VPS13A: variants seen among roughly 807,000 people sequenced by gnomAD.
The protein encoded by VPS13A is vacuolar protein sorting 13 homolog A.
In VPS13A, 264 loss-of-function variants were observed where a neutral mutation model predicts 390.9. The observed-to-expected ratio is 0.68, with a 90% confidence interval of 0.61 to 0.75. The LOEUF (loss-of-function observed/expected upper bound fraction) is 0.75, where lower values mean the gene tolerates loss of function less well. Ranked by LOEUF, VPS13A falls within the 30% of genes least tolerant of loss-of-function variation. The pLI is 0.00. For missense variants in VPS13A, 3,409 were observed against 3,733.9 expected (o/e 0.91, Z 2.27); for synonymous variants, 1,231 against 1,227.1 (o/e 1.00, Z -0.07).
intron 67 of VPS13A, among the ~76,000 whole-genome samples, chr9:77,379,667 C>T (rs1833323941): frequency 6.6e-6 from 1 of 152,218 alleles, no homozygotes; most frequent in Non-Finnish European, 1.5e-5. Flanking sequence ...AGCCACCACG[C>T]CTGGCCTATT....
In VPS13A at chr9:77,368,096, C is replaced by T. The variant is rs779553514; in HGVS notation, c.8513C>T (p.Ser2838Phe). The change falls in exon 62 of 72, where the codon TCC (serine) becomes TTC (phenylalanine). Residue 2838 changes from serine to phenylalanine, a missense_variant. Coordinates refer to ENST00000360280, the MANE Select transcript of VPS13A (RefSeq NM_033305.3). ...FELNYQFHTTSDLQSEVIRHY... is the reference protein window; with the variant it reads ...FELNYQFHTTFDLQSEVIRHY... The stretch of plus-strand genomic sequence containing the variant: ...CTCAACTATCAGTTCCATACAACAT[C>T]CGATCTACAGTCTGAAGTCATAAGA... 1 of 1,612,502 alleles carries T rather than the reference C, an allele frequency of 6.2e-7. No individual in the cohort carries two copies. Among genetic ancestry groups the T allele is most frequent in the Non-Finnish European group, 8.5e-7 (1 of 1,179,508 alleles).
chr9:77,359,933 G>A (rs1832049029), intron 58 of VPS13A, among the ~76,000 whole-genome samples: 1 of 151,804 alleles, frequency 6.6e-6, no homozygotes, highest in Admixed American at 6.6e-5. Flanking sequence ...TTTGTTTGGG[G>A]TTGTCTATAA....
chr9:77,275,825 T>C (rs1282890086), intron 25 of VPS13A, among the ~76,000 whole-genome samples, 173 bp downstream of exon 25: 1 of 150,630 alleles, frequency 6.6e-6, no homozygotes, highest in African/African-American at 2.4e-5. Flanking sequence ...TTTTTTTAAA[T>C]AAGATTAACT....
Position 77,360,636 on chromosome 9 carries a change from A to G in VPS13A, c.8206A>G (p.Thr2736Ala), listed in dbSNP as rs1407100365. 1 of 1,607,090 alleles carries G rather than the reference A, an allele frequency of 6.2e-7. No homozygotes were observed. Among genetic ancestry groups the G allele is most frequent in the Non-Finnish European group, 8.5e-7 (1 of 1,174,004 alleles). Residue 2736 changes from threonine to alanine, a missense_variant, in exon 59 of 72, where the codon ACA becomes GCA. Thr to Ala is a moderately conservative substitution (Grantham distance 58). This residue lies in a region of VPS13A where 221 missense variants were observed against 300.7 expected (regional missense o/e 0.73). Transcript: ENST00000360280. ...LMTEAEVTENTEVELFHKDIE... is the reference protein window; with the variant it reads ...LMTEAEVTENAEVELFHKDIE... ...GACAGAAGCTGAGGTGACTGAAAATACAGAGGTAAGACTTAAAATAATAAC... is the reference window on the plus strand; with the variant it reads ...GACAGAAGCTGAGGTGACTGAAAATGCAGAGGTAAGACTTAAAATAATAAC...
chr9:77,371,796 A>C, intron 67 of VPS13A, among the ~76,000 whole-genome samples: 2 of 122,986 alleles, frequency 1.6e-5, no homozygotes, highest in African/African-American at 6.1e-5. Flanking sequence ...TCCCAATGCT[A>C]TCCCTCCCCC....
chr9:77,374,016 A>G (rs988093681), intron 67 of VPS13A, among the ~76,000 whole-genome samples: 2 of 152,238 alleles, frequency 1.3e-5, no homozygotes, highest in Admixed American at 6.5e-5. Context: ...TAGTTTAAAT[A>G]CATTAATGCT....
rs192252329 is a variant in VPS13A at position 77,201,454 on chromosome 9, C to T, written c.187+47C>T. 11 of 1,476,004 alleles carry T rather than the reference C, an allele frequency of 7.5e-6. No individual in the cohort carries two copies. The Admixed American group carries it at 1.5e-4, about 20-fold the overall frequency. The allele number at this position is 1,476,004 out of a possible 1,614,324, so 91.4% of individuals were successfully genotyped here. A position where few individuals can be genotyped will look rare whatever the true frequency, so the allele number is the denominator to read the frequency against. ...GATATCCTCCTTCCTGGACATGCAGCCAGAATAATTTGCCTAATATATCTA... is the reference window on the plus strand; with the variant it reads ...GATATCCTCCTTCCTGGACATGCAGTCAGAATAATTTGCCTAATATATCTA... On this transcript the variant is annotated intron_variant, in intron 3 of 71. Coordinates refer to ENST00000360280, the MANE Select transcript of VPS13A (RefSeq NM_033305.3).
chr9:77,284,184 C>T (rs1447783243), intron 31 of VPS13A, among the ~76,000 whole-genome samples: 4 of 151,936 alleles, frequency 2.6e-5, no homozygotes, highest in Non-Finnish European at 5.9e-5. Context: ...CAGTGAGGTT[C>T]CTGCTGCAGA....
At chr9:77,408,226 C>A (rs1314587646) in intron 71 of VPS13A, among the ~76,000 whole-genome samples, 1 of 152,194 alleles carries the variant, frequency 6.6e-6, no homozygotes. Flanking sequence ...TATGAATTGA[C>A]TGTCTGACCT....
chr9:77,280,646 T>C (rs1826963824), intron 27 of VPS13A, among the ~76,000 whole-genome samples: 1 of 152,224 alleles, frequency 6.6e-6, no homozygotes, highest in East Asian at 1.9e-4. Context: ...TATTGATTTA[T>C]GATATTCATT....
At chr9:77,234,436 A>G (rs1462683065) in intron 17 of VPS13A, among the ~76,000 whole-genome samples, 1 of 152,156 alleles carries the variant, frequency 6.6e-6, no homozygotes, top group Non-Finnish European at 1.5e-5. Flanking sequence ...TTCAACCCAT[A>G]TGTGTCTTTG....
rs115484952 is a variant in VPS13A, at chr9:77,382,887, T to G, written c.9189+800T>G. On this transcript the variant is annotated intron_variant, in intron 68 of 71. Coordinates refer to ENST00000360280, the MANE Select transcript of VPS13A (RefSeq NM_033305.3). Reference sequence around the variant, plus strand: ...AACTTTCTTACTTGGTAAATTCGACTTTTTAAAACCTGGATTATGCTGTAG... The same window carrying G: ...AACTTTCTTACTTGGTAAATTCGACGTTTTAAAACCTGGATTATGCTGTAG... The G allele has an allele frequency of 3.2e-3, 3,152 of 985,440 alleles. 72 individuals are homozygous for G. In the African/African-American group the frequency reaches 0.051, roughly 16 times the overall value. The allele number at this position is 985,440 out of a possible 1,614,324, so 61.0% of individuals were successfully genotyped here.
intron 67 of VPS13A, among the ~76,000 whole-genome samples, chr9:77,377,203 G>GTTTTTTTTTTTTT (rs61562443): frequency 1.4e-5 from 1 of 69,050 alleles, no homozygotes; most frequent in East Asian, 5.3e-4. Flanking sequence ...TTTTGATGCT[G>GTTTTTTTTTTTTT]TTTTTTTTTT....
At chr9:77,352,396 G>C (rs918671130) in intron 53 of VPS13A, among the ~76,000 whole-genome samples, 2 of 151,622 alleles carry the variant, frequency 1.3e-5, no homozygotes, top group Non-Finnish European at 2.9e-5. Flanking sequence ...TTGTCTTTCA[G>C]TGCTGCTGTT....
intron 8 of VPS13A, 85 bp downstream of exon 8, chr9:77,213,113 G>T: frequency 1.3e-6 from 2 of 1,560,272 alleles, no homozygotes; most frequent in Non-Finnish European, 1.8e-6. Context: ...GGATGTATGT[G>T]AATTTTGCTT....
At chr9:77,250,301 G>A in intron 21 of VPS13A, 72 bp downstream of exon 21, 1 of 1,529,326 alleles carries the variant, frequency 6.5e-7, no homozygotes, top group Non-Finnish European at 9.0e-7. Flanking sequence ...ACACTTTGAA[G>A]ACCTTCCTCT....
At chr9:77,220,191 T>G in intron 11 of VPS13A, 86 bp from the exon 12 acceptor site, 3 of 1,510,498 alleles carry the variant, frequency 2.0e-6, no homozygotes, top group Non-Finnish European at 2.7e-6. Context: ...AGCATTTCCC[T>G]AAAAAGTCAG....
intron 13 of VPS13A, among the ~76,000 whole-genome samples, chr9:77,224,352 C>A (rs1465066779): frequency 6.6e-6 from 1 of 152,174 alleles, no homozygotes; most frequent in African/African-American, 2.4e-5. Context: ...AGCTATCATT[C>A]CTCTGATGGA....
chr9:77,339,212 T>G, intron 47 of VPS13A: 1 of 317,106 alleles, frequency 3.2e-6, no homozygotes, highest in South Asian at 5.7e-5. Flanking sequence ...TTACCAATTA[T>G]AGTGTTTTAT....
Sources: gnomAD v4.1 joint callset for allele counts (sites outside exome capture counted in the v4.1 genomes callset) on GRCh38, gnomAD v4.1.1 for gene constraint, gnomAD v4.1.1 regional missense constraint, MANE v1.5 for transcripts, NCBI Gene and HGNC (gene_info 2026-07-23, HGNC 2026-07-21) for gene names.